The following TBCK variants were observed in gnomAD, a reference collection of about 807,000 sequenced individuals.
TBCK encodes the protein TBC1 domain containing kinase, also known as TBC domain-containing protein kinase-like protein.
A neutral mutation model predicts 113.4 loss-of-function variants in TBCK; 99 were observed. The ratio of observed to expected loss-of-function variants is 0.87; its 90% confidence interval spans 0.74 to 1.03. TBCK has a LOEUF of 1.03. Ranked by LOEUF, TBCK falls within the 50% of genes least tolerant of loss-of-function variation. The pLI, the probability that TBCK is intolerant of heterozygous loss-of-function variation, is 0.00. For synonymous variants in TBCK, 369 were observed against 370.8 expected, an observed-to-expected ratio of 1.00 and a Z score of 0.05; for missense variants, 1,045 against 1,061.3, an observed-to-expected ratio of 0.98 and a Z score of 0.21.
intron 25 of TBCK, among the ~76,000 whole-genome samples, chr4:106,078,034 G>C (rs965600872): frequency 6.6e-6 from 1 of 152,106 alleles, no homozygotes; most frequent in South Asian, 2.1e-4. Context: ...ACCTACTCTT[G>C]AATGACTTTT....
intron 5 of TBCK, among the ~76,000 whole-genome samples, chr4:106,252,559 A>G (rs976080704): frequency 1.3e-5 from 2 of 152,012 alleles, no homozygotes; most frequent in African/African-American, 2.4e-5. Flanking sequence ...TTTCCACTTA[A>G]AGTGTATTTT....
At chr4:106,175,342 C>A (rs1191213598) in intron 22 of TBCK, among the ~76,000 whole-genome samples, 1 of 149,268 alleles carries the variant, frequency 6.7e-6, no homozygotes, top group African/African-American at 2.5e-5. Flanking sequence ...AAGAACAGCA[C>A]CAAAAATCAG....
In TBCK at chr4:106,259,187, C is replaced by A. The variant is rs940749515; in HGVS notation, c.455+1250G>T. ...CTTAATAATAAGACACAGTCATAAA[C>A]TTAAAAAATTTAGTTAAGAAACCTG... On this transcript the variant is annotated intron_variant, in intron 5 of 25. Coordinates refer to ENST00000394708, the MANE Select transcript of TBCK (RefSeq NM_001163435.3). 2.1e-4 allele frequency among the ~76,000 whole-genome samples: 31 copies of A among 151,214 alleles called. 1 individual carries two copies. Among genetic ancestry groups the A allele is most frequent in the African/African-American group, 7.5e-4 (31 of 41,276 alleles).
At chr4:106,191,380 C>T (rs1753648831) in intron 22 of TBCK, among the ~76,000 whole-genome samples, 1 of 152,074 alleles carries the variant, frequency 6.6e-6, no homozygotes, top group African/African-American at 2.4e-5. Flanking sequence ...ATACTTTTAA[C>T]AGATAGAATG....
At chr4:106,214,733 G>T (rs557040273) in intron 19 of TBCK, among the ~76,000 whole-genome samples, 2,742 of 151,676 alleles carry the variant, frequency 0.018, 74 homozygotes, top group African/African-American at 0.061. Flanking sequence ...CCAAATCTAC[G>T]TCTGATTGGT....
At chr4:106,123,082 C>A (rs1044892330) in intron 23 of TBCK, among the ~76,000 whole-genome samples, 30 of 152,290 alleles carry the variant, frequency 2.0e-4, no homozygotes, top group South Asian at 6.2e-4. Context: ...GAGGAAGTCA[C>A]ATTGTCCCTG....
At chr4:106,072,476 GA>G (rs2149479123) in intron 25 of TBCK, among the ~76,000 whole-genome samples, 1 of 152,310 alleles carries the variant, frequency 6.6e-6, no homozygotes, top group South Asian at 2.1e-4. Context: ...CTGTTAGTTT[GA>G]TGGGCTTCCC....
intron 22 of TBCK, among the ~76,000 whole-genome samples, chr4:106,183,972 G>A (rs1339198144): frequency 1.3e-5 from 2 of 151,618 alleles, no homozygotes; most frequent in Admixed American, 1.3e-4. Context: ...AGGTATTGAG[G>A]AAAAAAAGAG....
At position 106,193,676 on chromosome 4, in the gene TBCK, C is replaced by A. The variant is rs1388738250; in HGVS notation, c.1992G>T (p.Gln664His). ...TAGCCAAAAGCCGGTCCCGCAGCTG[C>A]TGAAGAATTGCTACTCCAATACAGA... is the stretch of plus-strand genomic sequence containing the variant. The part of the protein sequence containing the change: ...FPFCIGVAIL[Q>H]QLRDRLLANG... The change falls in exon 22 of 26, where the codon CAG becomes CAT. Residue 664 changes from glutamine (Q) to histidine (H), a missense_variant. Gln to His is a conservative substitution (Grantham distance 24). Coordinates refer to ENST00000394708, the MANE Select transcript of TBCK (RefSeq NM_001163435.3). 6.2e-7 allele frequency: 1 copy of A among 1,613,364 alleles called. No individual in the cohort carries two copies. Among genetic ancestry groups the A allele is most frequent in the Non-Finnish European group, 8.5e-7 (1 of 1,179,654 alleles).
intron 24 of TBCK, among the ~76,000 whole-genome samples, chr4:106,112,705 C>T (rs1743009353): frequency 6.6e-6 from 1 of 152,156 alleles, no homozygotes; most frequent in Admixed American, 6.5e-5. Context: ...TCAACATACA[C>T]ATCCTATTTT....
intron 25 of TBCK, among the ~76,000 whole-genome samples, chr4:106,090,893 A>C (rs934619556): frequency 1.4e-4 from 21 of 152,174 alleles, no homozygotes; most frequent in African/African-American, 4.8e-4. Flanking sequence ...ATAACTATTT[A>C]ATCAGTCTCT....
In TBCK at chr4:106,109,018, TACACACAC is replaced by T. The variant is rs112164356; in HGVS notation, c.2411+7177_2411+7184del. 2.0e-3 allele frequency among the ~76,000 whole-genome samples: 279 copies of T among 140,606 alleles called. 2 individuals are homozygous for T. The highest frequency in any genetic ancestry group is 6.2e-3 in the African/African-American group (237 of 38,056). 92.2% of individuals were successfully genotyped at this position (140,606 alleles called of 152,430 possible). A position where few individuals can be genotyped will look rare whatever the true frequency, so the allele number is the denominator to read the frequency against. Reference sequence around the variant, plus strand: ...ATCCCATTCACAACTGACACACACATACACACACACACACACACACACACACACACTCC... The same window carrying T: ...ATCCCATTCACAACTGACACACACATACACACACACACACACACACACTCC... On this transcript the variant is annotated intron_variant, in intron 24 of 25. Transcript: ENST00000394708.
chr4:106,249,107 C>T, intron 7 of TBCK, 125 bp from the exon 8 acceptor site: 1 of 550,634 alleles, frequency 1.8e-6, no homozygotes, highest in East Asian at 3.3e-5. Context: ...ATACTGAAAA[C>T]TTTATCATTT....
intron 1 of TBCK, 106 bp from the exon 2 acceptor site, chr4:106,309,095 T>G: frequency 1.6e-6 from 1 of 617,984 alleles, no homozygotes; most frequent in Non-Finnish European, 2.7e-6. Context: ...CCTGAACACT[T>G]CACAGTAAAA....
At chr4:106,171,415 G>T in intron 22 of TBCK, 145 bp from the exon 23 acceptor site, 1 of 605,972 alleles carries the variant, frequency 1.7e-6, no homozygotes, top group Non-Finnish European at 2.8e-6. Context: ...AAAAAACAAT[G>T]TATATATTAA....
intron 23 of TBCK, among the ~76,000 whole-genome samples, chr4:106,120,165 G>A (rs558920334): frequency 6.6e-6 from 1 of 152,164 alleles, no homozygotes; most frequent in Non-Finnish European, 1.5e-5. Context: ...AAGCGCAAGG[G>A]GTCAGGGAGT....
At chr4:106,169,621 G>C (rs994384102) in intron 23 of TBCK, among the ~76,000 whole-genome samples, 4 of 152,026 alleles carry the variant, frequency 2.6e-5, no homozygotes, top group Non-Finnish European at 5.9e-5. Context: ...TGTCTTCATG[G>C]AAGACAATTT....
intron 25 of TBCK, among the ~76,000 whole-genome samples, chr4:106,086,404 T>C (rs915443399): frequency 3.3e-5 from 5 of 152,026 alleles, no homozygotes; most frequent in Admixed American, 2.6e-4. Context: ...TCCCTGAATA[T>C]ACCAATAACA....
chr4:106,163,830 A>T (rs1311454970), intron 23 of TBCK, among the ~76,000 whole-genome samples: 1 of 152,072 alleles, frequency 6.6e-6, no homozygotes, highest in Non-Finnish European at 1.5e-5. Flanking sequence ...ACACAGTCAA[A>T]CCATATCAAT....
Sources: gnomAD v4.1 joint callset for allele counts (sites outside exome capture counted in the v4.1 genomes callset) on GRCh38, gnomAD v4.1.1 for gene constraint, MANE v1.5 for transcripts, NCBI Gene and HGNC (gene_info 2026-07-23, HGNC 2026-07-21) for gene names.